The following KCNH4 variants were observed in gnomAD, a reference collection of about 807,000 sequenced individuals.
The protein encoded by KCNH4 is potassium voltage-gated channel subfamily H member 4, also known as voltage-gated delayed rectifier potassium channel KCNH4.
In KCNH4, 33 loss-of-function variants were observed where a neutral mutation model predicts 90.7. That is an observed-to-expected ratio of 0.36 (90% CI 0.28 to 0.49). The LOEUF (loss-of-function observed/expected upper bound fraction) is 0.49. KCNH4 is among the 20% of genes least tolerant of loss of function. KCNH4 has a pLI of 0.98. For missense variants in KCNH4, 1,044 were observed against 1,387.1 expected (o/e 0.75, Z 3.93); for synonymous variants, 551 against 581.7 (o/e 0.95, Z 0.76).
At position 42,161,487 on chromosome 17, in the gene KCNH4, C is replaced by A. The variant is rs1024262993; in HGVS notation, c.2658+761G>T. On this transcript the variant is annotated intron_variant, in intron 15 of 16. Coordinates refer to ENST00000264661, the MANE Select transcript of KCNH4 (RefSeq NM_012285.3). ...AGATCCCTTGGGGAGGAGGCAGAGG[C>A]TGAGCCTCAGCATATAGAATCTAGG... is the stretch of plus-strand genomic sequence containing the variant. Among the ~76,000 whole-genome samples, 6 of 152,194 alleles carry A rather than the reference C, an allele frequency of 3.9e-5. No homozygotes were observed. The East Asian group carries it at 9.6e-4, about 24-fold the overall frequency.
At chr17:42,162,151 G>T in intron 15 of KCNH4, 97 bp downstream of exon 15, 1 of 999,958 alleles carries the variant, frequency 1.0e-6, no homozygotes, top group Non-Finnish European at 1.6e-6. Context: ...TCATCATGTT[G>T]GCCAGGCTGG....
At chr17:42,165,352 T>A in intron 11 of KCNH4, 97 bp downstream of exon 11, 2 of 1,486,730 alleles carry the variant, frequency 1.3e-6, no homozygotes, top group Non-Finnish European at 9.2e-7. Context: ...GCATGTGTTT[T>A]TAGGGTGGAG....
At chr17:42,171,731 C>T (rs2079828077) in intron 7 of KCNH4, 57 bp downstream of exon 7, 2 of 1,531,742 alleles carry the variant, frequency 1.3e-6, no homozygotes, top group Admixed American at 3.3e-5. Context: ...GAGGCATCAG[C>T]TTGGGGATGG....
chr17:42,178,771 A>C lies in KCNH4; in HGVS notation c.310+22T>G, dbSNP rs769926208. ...AGGCTAGGGGTCTAGGCAGAGCTGC[A>C]GGGTGGGGTGAGCCCCCTCACCATC... is the stretch of plus-strand genomic sequence containing the variant. On this transcript the variant is annotated intron_variant, in intron 2 of 16. Transcript: ENST00000264661. The C allele has an allele frequency of 8.2e-6, 13 of 1,591,334 alleles. No individual in the cohort carries two copies. The Admixed American group carries it at 1.2e-4, about 14-fold the overall frequency.
At chr17:42,158,279 C>G (rs1419373138) in intron 16 of KCNH4, among the ~76,000 whole-genome samples, 9 of 151,288 alleles carry the variant, frequency 5.9e-5, no homozygotes, top group Non-Finnish European at 1.2e-4. Flanking sequence ...CAAAATAATC[C>G]CAGCACTTTG....
At chr17:42,165,848 G>T (rs1347713680) in intron 10 of KCNH4, among the ~76,000 whole-genome samples, 155 bp from the exon 11 acceptor site, 2 of 152,146 alleles carry the variant, frequency 1.3e-5, no homozygotes, top group African/African-American at 4.8e-5. Flanking sequence ...CAATGGAATT[G>T]GGAAAAGGTC....
At chr17:42,166,980 C>T (rs79906852) in intron 9 of KCNH4, among the ~76,000 whole-genome samples, 7,395 of 152,184 alleles carry the variant, frequency 0.049, 442 homozygotes, top group African/African-American at 0.14. Context: ...AGACCATGGG[C>T]ACTACCAATG....
At position 42,163,733 on chromosome 17, in the gene KCNH4, G is replaced by A; in HGVS notation, c.2350C>T (p.Pro784Ser). Residue 784 changes from proline to serine, a missense_variant, in exon 13 of 17, where the codon CCT becomes TCT. Physicochemically the swap from Pro to Ser is moderately conservative, Grantham distance 74 (BLOSUM62 -1). This residue lies in a region of KCNH4 where 441 missense variants were observed against 512.3 expected (regional missense o/e 0.86). Transcript: ENST00000264661. The surrounding 1 kb of genome is among the most constrained non-coding windows in gnomAD (Gnocchi z 5.4). ...CTGTGGCCCTGGCCAGCCAGGGCAG[G>A]GGACAGGGATGGGGATAAGGAAGGA... The part of the protein sequence containing the change: ...SSPSLSPSLS[P>S]ALAGQGHSAS... The A allele has an allele frequency of 1.3e-6, 2 of 1,540,880 alleles. No homozygotes were observed. Among genetic ancestry groups the A allele is most frequent in the South Asian group, 1.3e-5 (1 of 79,522 alleles).
chr17:42,176,013 C>A, intron 5 of KCNH4, 41 bp downstream of exon 5: 1 of 1,561,308 alleles, frequency 6.4e-7, no homozygotes, highest in Non-Finnish European at 8.7e-7. Flanking sequence ...AGTGGATCCC[C>A]CCAGCCGACC....
intron 1 of KCNH4, among the ~76,000 whole-genome samples, chr17:42,179,329 A>G (rs555153188): frequency 1.6e-4 from 24 of 152,310 alleles, no homozygotes; most frequent in African/African-American, 5.3e-4. Flanking sequence ...AGAAGGCAGT[A>G]TAGCATGGTG....
At position 42,178,956 on chromosome 17, in the gene KCNH4, G is replaced by A. The variant is rs1408726199; in HGVS notation, c.147C>T (p.Phe49=). Residue 49 remains phenylalanine, a synonymous_variant, in exon 2 of 17, where the codon TTC becomes TTT. Transcript: ENST00000264661. The part of the protein sequence containing the change: ...GFPIVYCSDG[F]CELTGYGRTE... ...TGCGACCGTAGCCTGTGAGCTCGCA[G>A]AAGCCGTCGGAGCAGTAGACGATGG... The A allele has an allele frequency of 6.2e-7, 1 of 1,614,252 alleles. No homozygotes were observed. Among genetic ancestry groups the A allele is most frequent in the Non-Finnish European group, 8.5e-7 (1 of 1,180,052 alleles).
At position 42,160,175 on chromosome 17, in the gene KCNH4, G is replaced by A. The variant is rs767280468; in HGVS notation, c.2919C>T (p.Asp973=). Residue 973 remains aspartate, a synonymous_variant, in exon 16 of 17, where the codon GAC becomes GAT. Coordinates refer to ENST00000264661, the MANE Select transcript of KCNH4 (RefSeq NM_012285.3). ...GTMETGTALL[D]LRPSILPPYP... ...AGGGGGGCAATATGGAAGGTCTCAA[G>A]TCCAGGAGCGCAGTCCCTGTCTCCA... The A allele has an allele frequency of 1.2e-6, 2 of 1,613,654 alleles. No individual in the cohort carries two copies. Among genetic ancestry groups the A allele is most frequent in the Non-Finnish European group, 1.7e-6 (2 of 1,179,644 alleles).
intron 9 of KCNH4, among the ~76,000 whole-genome samples, chr17:42,168,545 G>A (rs1252287493): frequency 6.6e-6 from 1 of 152,214 alleles, no homozygotes; most frequent in African/African-American, 2.4e-5. Context: ...TCAGGAAGCT[G>A]AGGCAGAAGA....
At chr17:42,176,023 C>T in intron 5 of KCNH4, 31 bp downstream of exon 5, 1 of 1,567,378 alleles carries the variant, frequency 6.4e-7, no homozygotes, top group South Asian at 1.2e-5. Context: ...CCCAGCCGAC[C>T]CACCAGGGTG....
intron 6 of KCNH4, among the ~76,000 whole-genome samples, chr17:42,172,801 G>A (rs1013647422): frequency 1.3e-5 from 2 of 152,044 alleles, no homozygotes; most frequent in African/African-American, 4.8e-5. Flanking sequence ...AGAGTCAGGG[G>A]ATAGGCAACA....
chr17:42,170,459 T>C (rs923944199), intron 7 of KCNH4, among the ~76,000 whole-genome samples, 158 bp from the exon 8 acceptor site: 1 of 152,226 alleles, frequency 6.6e-6, no homozygotes, highest in African/African-American at 2.4e-5. Context: ...CATGGTGCAT[T>C]GGTTACAGTT....
intron 2 of KCNH4, 141 bp downstream of exon 2, chr17:42,178,652 C>T (rs1413929966): frequency 4.4e-6 from 5 of 1,131,276 alleles, no homozygotes; most frequent in Non-Finnish European, 3.7e-6. Flanking sequence ...GAACCCAGGA[C>T]CAGAGAGGTC....
Position 42,177,364 on chromosome 17 carries a change from A to AT in KCNH4, c.585+735dup, listed in dbSNP as rs766097116. 4.1e-3 allele frequency among the ~76,000 whole-genome samples: 513 copies of AT among 125,178 alleles called. 1 individual carries two copies. Among genetic ancestry groups the AT allele is most frequent in the South Asian group, 7.7e-3 (30 of 3,902 alleles). The allele number at this position is 125,178 out of a possible 152,430, so 82.1% of individuals were successfully genotyped here. A position where few individuals can be genotyped will look rare whatever the true frequency, so the allele number is the denominator to read the frequency against. On this transcript the variant is annotated intron_variant, in intron 4 of 16. Transcript: ENST00000264661. ...GCGCCTGGCCTCCAGATAATTTTTA[A>AT]TTTTTTTTTTTTTTTTTAGAAAAGG... is the stretch of plus-strand genomic sequence containing the variant.
chr17:42,160,496 T>G (rs2079738922), intron 15 of KCNH4, 61 bp from the exon 16 acceptor site: 4 of 1,489,880 alleles, frequency 2.7e-6, no homozygotes, highest in Non-Finnish European at 3.6e-6. Context: ...TGCACCCCCC[T>G]CTCCAGTTTA....
Sources: gnomAD v4.1 joint callset for allele counts (sites outside exome capture counted in the v4.1 genomes callset) on GRCh38, gnomAD v4.1.1 for gene constraint, gnomAD v4.1.1 regional missense constraint, Gnocchi (gnomAD v3.1) non-coding constraint, MANE v1.5 for transcripts, NCBI Gene and HGNC (gene_info 2026-07-23, HGNC 2026-07-21) for gene names.